Variants in MRO observed in about 807,000 individuals in gnomAD.
The protein encoded by MRO is protein maestro.
MRO carries 28 observed loss-of-function variants against 31.0 expected under a neutral mutation model. That is an observed-to-expected ratio of 0.90 (90% CI 0.67 to 1.24). The LOEUF (loss-of-function observed/expected upper bound fraction) is 1.24. Ranked by LOEUF, MRO falls within the 50% of genes most tolerant of loss-of-function variation. MRO has a pLI of 0.00. For missense variants in MRO, 332 were observed against 289.2 expected (o/e 1.15, Z -1.07); for synonymous variants, 108 against 108.4 (o/e 1.00, Z 0.02).
chr18:50,801,207 T>C, intron 6 of MRO, 142 bp downstream of exon 6: 3 of 695,474 alleles, frequency 4.3e-6, no homozygotes, highest in Non-Finnish European at 7.0e-6. Context: ...AAGAGGCACC[T>C]TGTCAAGGAT....
intron 3 of MRO, among the ~76,000 whole-genome samples, chr18:50,807,743 A>T (rs999084558): frequency 6.6e-6 from 1 of 152,252 alleles, no homozygotes; most frequent in Non-Finnish European, 1.5e-5. Context: ...AGAGAAATGC[A>T]TGAATAATGC....
rs1050409613 is a variant in MRO, at chr18:50,797,173, G to C, written c.*2164C>G. The C allele has an allele frequency of 5.9e-5, 9 of 152,234 alleles. No homozygotes were observed. The highest frequency in any genetic ancestry group is 1.3e-4 in the Non-Finnish European group (9 of 68,062). The allele number at this position is 152,234 out of a possible 1,614,324, so 9.4% of individuals were successfully genotyped here. ...TTTCCGTATGGTGTCAGCTGGAGTA[G>C]CTTCAACAGCTCGGGTCTGGCTGGA... On this transcript the variant is annotated 3_prime_UTR_variant, in exon 8 of 8. Coordinates refer to ENST00000398439, the MANE Select transcript of MRO (RefSeq NM_031939.6).
rs201261517 is a variant in MRO, at chr18:50,800,627, A to G, written c.586-484T>C. Among the ~76,000 whole-genome samples, 20 of 152,342 alleles carry G rather than the reference A, an allele frequency of 1.3e-4. No individual in the cohort carries two copies. In the East Asian group the frequency reaches 3.9e-3, roughly 29 times the overall value. On this transcript the variant is annotated intron_variant, in intron 6 of 7. Transcript: ENST00000398439. ...GAGCCCAGCAAGATGGCTCACGCCT[A>G]TAATCCCAACACCTTGGGAGGCTGA...
At chr18:50,814,720 A>C (rs1914761043) in intron 2 of MRO, 2 of 166,082 alleles carry the variant, frequency 1.2e-5, no homozygotes, top group Non-Finnish European at 1.3e-5. Context: ...AGACAGAAGA[A>C]TATAATTTGA....
chr18:50,810,740 C>T (rs559830444), intron 2 of MRO, among the ~76,000 whole-genome samples: 92 of 152,298 alleles, frequency 6.0e-4, no homozygotes, highest in African/African-American at 2.1e-3. Flanking sequence ...ATTTGAAGAT[C>T]TTGTTCAGTG....
In MRO at chr18:50,795,263, G is replaced by C. The variant is rs763848628; in HGVS notation, c.*4074C>G. 1 of 152,068 alleles carries C rather than the reference G, an allele frequency of 6.6e-6. No homozygotes were observed. The highest frequency in any genetic ancestry group is 1.5e-5 in the Non-Finnish European group (1 of 68,032). The allele number at this position is 152,068 out of a possible 1,614,324, so 9.4% of individuals were successfully genotyped here. A position where few individuals can be genotyped will look rare whatever the true frequency, so the allele number is the denominator to read the frequency against. On this transcript the variant is annotated 3_prime_UTR_variant, in exon 8 of 8. Transcript: ENST00000398439. ...TTGAGAGTAAACAATGACCGTCCCA[G>C]GCTTTCCAAAGCATATATATCACTT...
Position 50,806,730 on chromosome 18 carries a change from T to A in MRO, c.220A>T (p.Thr74Ser). The A allele has an allele frequency of 6.2e-7, 1 of 1,614,172 alleles. No homozygotes were observed. The stretch of plus-strand genomic sequence containing the variant: ...TTGTCAGGGGCTTCATAGGCCATGG[T>A]TCCCAAGTTTCTCATTGCCATGTGA... ...KRHMAMRNLG[T>S]MAYEAPDKVR... The change falls in exon 4 of 8, where the codon ACC becomes TCC. Residue 74 changes from threonine to serine, a missense_variant. Physicochemically the swap from Thr to Ser is moderately conservative, Grantham distance 58. Coordinates refer to ENST00000398439, the MANE Select transcript of MRO (RefSeq NM_031939.6).
Position 50,806,776 on chromosome 18 carries a change from C to T in MRO, c.174G>A (p.Arg58=). 1 of 1,614,092 alleles carries T rather than the reference C, an allele frequency of 6.2e-7. No individual in the cohort carries two copies. The highest frequency in any genetic ancestry group is 8.5e-7 in the Non-Finnish European group (1 of 1,180,010). Residue 58 remains arginine (R), a synonymous_variant, in exon 4 of 8, where the codon CGG becomes CGA. Transcript: ENST00000398439. ...NVFFILAERA[R]DPSAKKRHMA... ...TGTGACGCTTTTTAGCACTGGGGTC[C>T]CGAGCTCTTTCTGCCAAGATGAAAA...
Position 50,805,165 on chromosome 18 carries a change from A to C in MRO, c.418T>G (p.Leu140Val), listed in dbSNP as rs757794432. 4.3e-6 allele frequency: 7 copies of C among 1,611,538 alleles called. No homozygotes were observed. The highest frequency in any genetic ancestry group is 5.9e-6 in the Non-Finnish European group (7 of 1,178,066). The change falls in exon 5 of 8, where the codon TTA (leucine) becomes GTA (valine). Residue 140 changes from leucine (L) to valine (V), a missense_variant. Coordinates refer to ENST00000398439, the MANE Select transcript of MRO (RefSeq NM_031939.6). ...FIDITLQTRT[L>V]LDDENDSLRY... ...TCTGATTTACTTACGTCATCTAATA[A>C]AGTCCTGGTCTGAAGGGTGATATCT...
chr18:50,806,713 G>A lies in MRO; in HGVS notation c.237C>T (p.Ala79=). Residue 79 remains alanine, a synonymous_variant, in exon 4 of 8, where the codon GCC becomes GCT. Transcript: ENST00000398439. ...CACTCTCCTTCCCTACCTTGTCAGG[G>A]GCTTCATAGGCCATGGTTCCCAAGT... ...MRNLGTMAYE[A]PDKVRKYKKI... The A allele has an allele frequency of 6.2e-7, 1 of 1,614,112 alleles. No homozygotes were observed. Among genetic ancestry groups the A allele is most frequent in the South Asian group, 1.1e-5 (1 of 91,074 alleles).
chr18:50,803,490 C>G (rs1195678207), intron 5 of MRO, among the ~76,000 whole-genome samples: 1 of 150,426 alleles, frequency 6.6e-6, no homozygotes, highest in Non-Finnish European at 1.5e-5. Flanking sequence ...CTGGGCAATA[C>G]AGCGAGACCC....
intron 5 of MRO, among the ~76,000 whole-genome samples, chr18:50,804,306 A>C (rs1055370098): frequency 6.6e-6 from 1 of 152,218 alleles, no homozygotes; most frequent in African/African-American, 2.4e-5. Flanking sequence ...CATCATCATC[A>C]GTGTAAATAT....
At position 50,816,564 on chromosome 18, in the gene MRO, C is replaced by T. The variant is rs552892710; in HGVS notation, c.-5+3017G>A. ...TACTGCTTTGCATAAATTTTGCTAA[C>T]GTTAGCTGTAAAGAAACACCAGCTG... On this transcript the variant is annotated intron_variant, in intron 2 of 7. Transcript: ENST00000398439. Among the ~76,000 whole-genome samples the T allele has an allele frequency of 9.6e-4, 146 of 152,268 alleles. 1 individual carries two copies. Among genetic ancestry groups the T allele is most frequent in the African/African-American group, 3.4e-3 (140 of 41,540 alleles).
Position 50,797,182 on chromosome 18 carries a change from G to C in MRO, c.*2155C>G, listed in dbSNP as rs1293948993. On this transcript the variant is annotated 3_prime_UTR_variant, in exon 8 of 8. Transcript: ENST00000398439. Reference sequence around the variant, plus strand: ...GGTGTCAGCTGGAGTAGCTTCAACAGCTCGGGTCTGGCTGGAAGGGACAAC... The same window carrying C: ...GGTGTCAGCTGGAGTAGCTTCAACACCTCGGGTCTGGCTGGAAGGGACAAC... 2.0e-5 allele frequency: 3 copies of C among 152,226 alleles called. No individual in the cohort carries two copies. In the East Asian group the frequency reaches 5.8e-4, roughly 29 times the overall value. 9.4% of individuals were successfully genotyped at this position (152,226 alleles called of 1,614,324 possible).
chr18:50,796,043 G>A lies in MRO; in HGVS notation c.*3294C>T, dbSNP rs2144555408. The A allele has an allele frequency of 6.6e-6, 1 of 152,314 alleles. No homozygotes were observed. The highest frequency in any genetic ancestry group is 1.9e-4 in the East Asian group (1 of 5,182). The allele number at this position is 152,314 out of a possible 1,614,324, so 9.4% of individuals were successfully genotyped here. A position where few individuals can be genotyped will look rare whatever the true frequency, so the allele number is the denominator to read the frequency against. On this transcript the variant is annotated 3_prime_UTR_variant, in exon 8 of 8. Transcript: ENST00000398439. ...ACTTAGCATGAGGGTCGGGGCACTT[G>A]AACATTCCTTTTTTCTTTCTTTCAT...
chr18:50,817,792 G>A (rs1915053281), intron 2 of MRO, among the ~76,000 whole-genome samples: 1 of 152,218 alleles, frequency 6.6e-6, no homozygotes, highest in Admixed American at 6.5e-5. Flanking sequence ...ATATGTTTGT[G>A]AAGCACTTTG....
chr18:50,820,009 G>T lies in MRO; in HGVS notation c.-239C>A. 6.7e-7 allele frequency: 1 copy of T among 1,499,594 alleles called. No homozygotes were observed. The highest frequency in any genetic ancestry group is 9.1e-7 in the Non-Finnish European group (1 of 1,100,636). 92.9% of individuals were successfully genotyped at this position (1,499,594 alleles called of 1,614,324 possible). ...ACTTTCTGCAGAAATTCTGCAGATG[G>T]CAATTCTGGGGACCTTTCCTCTGCA... On this transcript the variant is annotated 5_prime_UTR_variant, in exon 1 of 8. Coordinates refer to ENST00000398439, the MANE Select transcript of MRO (RefSeq NM_031939.6).
chr18:50,802,895 T>C (rs1913497601), intron 5 of MRO, among the ~76,000 whole-genome samples: 1 of 129,004 alleles, frequency 7.8e-6, no homozygotes, highest in Admixed American at 8.1e-5. Context: ...TATTAGTGAG[T>C]GTTTGTGTAT....
chr18:50,799,752 A>G (rs906418320), intron 7 of MRO, among the ~76,000 whole-genome samples: 3 of 152,152 alleles, frequency 2.0e-5, no homozygotes, highest in Admixed American at 2.0e-4. Context: ...CTCTACTAAA[A>G]ATACAAAAAT....
Sources: allele counts gnomAD v4.1 joint callset (sites outside exome capture counted in the v4.1 genomes callset), GRCh38; gene constraint gnomAD v4.1.1; transcripts MANE v1.5; gene names NCBI Gene and HGNC (gene_info 2026-07-23, HGNC 2026-07-21).